The following GALNT13 variants were observed in gnomAD, a reference collection of about 807,000 sequenced individuals.
GALNT13 encodes the protein polypeptide N-acetylgalactosaminyltransferase 13, also known as UDP-GalNAc:polypeptide N-acetylgalactosaminyltransferase 13.
In GALNT13, 28 loss-of-function variants were observed where a neutral mutation model predicts 64.2. That is an observed-to-expected ratio of 0.44 (90% CI 0.32 to 0.60). The LOEUF is 0.60. Ranked by LOEUF, GALNT13 falls within the 20% of genes least tolerant of loss-of-function variation. The pLI is 0.05. For missense variants in GALNT13, 577 were observed against 669.8 expected, an observed-to-expected ratio of 0.86 and a Z score of 1.53; for synonymous variants, 214 against 224.6, an observed-to-expected ratio of 0.95 and a Z score of 0.42.
the GALNT13 span, among the ~76,000 whole-genome samples, chr2:153,621,135 T>C: frequency 6.6e-6 from 1 of 151,940 alleles, no homozygotes; most frequent in African/African-American, 2.4e-5. Context: ...TCTCTCTCTC[T>C]CCCTCTGTCT....
At chr2:153,435,971 T>A in the GALNT13 span, among the ~76,000 whole-genome samples, 6 of 152,218 alleles carry the variant, frequency 3.9e-5, no homozygotes, top group African/African-American at 1.2e-4. Context: ...GGTTTGTCAT[T>A]GATAGCTCTT....
the GALNT13 span, among the ~76,000 whole-genome samples, chr2:153,345,699 C>CTTTCT: frequency 6.6e-5 from 7 of 106,248 alleles, 1 homozygote; most frequent in African/African-American, 2.4e-4. Flanking sequence ...TTCTTTCTTT[C>CTTTCT]TTTCTCTTTC....
chr2:153,129,130 A>G, the GALNT13 span, among the ~76,000 whole-genome samples: 1 of 152,172 alleles, frequency 6.6e-6, no homozygotes, highest in Admixed American at 6.6e-5. Flanking sequence ...TTTAGCCTGC[A>G]TAGTCATTTC....
chr2:153,234,676 G>A, the GALNT13 span, among the ~76,000 whole-genome samples: 1 of 152,118 alleles, frequency 6.6e-6, no homozygotes, highest in African/African-American at 2.4e-5. Flanking sequence ...CAAAGCATGG[G>A]TCTACTGAGC....
intron 1 of GALNT13, among the ~76,000 whole-genome samples, chr2:153,877,721 T>C (rs1686482218): frequency 6.6e-6 from 1 of 152,118 alleles, no homozygotes. Flanking sequence ...CAACCATTAG[T>C]TTAAAGAAAG....
At chr2:153,689,925 TC>T in the GALNT13 span, among the ~76,000 whole-genome samples, 1 of 152,064 alleles carries the variant, frequency 6.6e-6, no homozygotes, top group Non-Finnish European at 1.5e-5. Context: ...TTATTCCCTC[TC>T]TCTTTTGTTG....
At chr2:154,085,486 A>T (rs971945334) in intron 3 of GALNT13, among the ~76,000 whole-genome samples, 1 of 152,158 alleles carries the variant, frequency 6.6e-6, no homozygotes, top group South Asian at 2.1e-4. Flanking sequence ...ATTCACTGAC[A>T]CTATGAAAGA....
the GALNT13 span, among the ~76,000 whole-genome samples, chr2:153,183,872 G>T: frequency 6.6e-6 from 1 of 151,988 alleles, no homozygotes; most frequent in African/African-American, 2.4e-5. Flanking sequence ...GTTACTGTAG[G>T]CTTGTAGTAT....
the GALNT13 span, among the ~76,000 whole-genome samples, chr2:153,534,748 A>G: frequency 3.3e-5 from 5 of 151,952 alleles, no homozygotes; most frequent in African/African-American, 1.2e-4. Flanking sequence ...ATGAGCTAGG[A>G]AAAGGACTTT....
chr2:153,396,373 G>T, the GALNT13 span, among the ~76,000 whole-genome samples: 1 of 152,038 alleles, frequency 6.6e-6, no homozygotes, highest in Admixed American at 6.6e-5. Context: ...AATACTTTGG[G>T]ATGGGAAGGG....
chr2:154,315,841 G>A (rs1157193409), intron 9 of GALNT13, among the ~76,000 whole-genome samples: 1 of 152,148 alleles, frequency 6.6e-6, no homozygotes, highest in Middle Eastern at 3.2e-3. Context: ...AGCACTCAGG[G>A]ACACTGATAA....
the GALNT13 span, among the ~76,000 whole-genome samples, chr2:153,799,088 A>C: frequency 6.6e-6 from 1 of 152,150 alleles, no homozygotes; most frequent in East Asian, 1.9e-4. Flanking sequence ...GGGTGACTTA[A>C]CAGGTGTCCA....
chr2:153,228,565 T>C, the GALNT13 span, among the ~76,000 whole-genome samples: 1 of 152,078 alleles, frequency 6.6e-6, no homozygotes, highest in African/African-American at 2.4e-5. Context: ...GCTAGATCTT[T>C]CTGGAGAAGA....
At chr2:154,259,246 T>G in intron 8 of GALNT13, 108 bp downstream of exon 8, 1 of 704,174 alleles carries the variant, frequency 1.4e-6, no homozygotes, top group Non-Finnish European at 2.5e-6. Context: ...GTGATGCAAA[T>G]TACTGATCAA....
chr2:154,108,491 A>G (rs1309385599), intron 3 of GALNT13, among the ~76,000 whole-genome samples: 1 of 152,040 alleles, frequency 6.6e-6, no homozygotes, highest in Non-Finnish European at 1.5e-5. Flanking sequence ...TATTTTAGAT[A>G]TTAAATCCTT....
At chr2:153,523,231 T>C in the GALNT13 span, among the ~76,000 whole-genome samples, 1 of 152,064 alleles carries the variant, frequency 6.6e-6, no homozygotes, top group African/African-American at 2.4e-5. Flanking sequence ...TGTAGCTTTA[T>C]AGTACATCTT....
the GALNT13 span, among the ~76,000 whole-genome samples, chr2:153,214,779 T>C: frequency 1.3e-5 from 2 of 152,106 alleles, no homozygotes; most frequent in Non-Finnish European, 2.9e-5. Context: ...AATAAAAAAA[T>C]AAGTAATCTG....
chr2:153,448,622 C>CT, the GALNT13 span, among the ~76,000 whole-genome samples: 2 of 151,434 alleles, frequency 1.3e-5, no homozygotes, highest in African/African-American at 2.4e-5. Flanking sequence ...TTCTTCTGTT[C>CT]TTTTTTTTTC....
intron 11 of GALNT13, among the ~76,000 whole-genome samples, chr2:154,434,924 A>G (rs1700882216): frequency 6.6e-6 from 1 of 152,222 alleles, no homozygotes; most frequent in African/African-American, 2.4e-5. Flanking sequence ...TATACGAAGC[A>G]TAGAACACAT....
Sources: gnomAD v4.1 joint callset for allele counts (sites outside exome capture counted in the v4.1 genomes callset) on GRCh38, gnomAD v4.1.1 for gene constraint, MANE v1.5 for transcripts, NCBI Gene and HGNC (gene_info 2026-07-23, HGNC 2026-07-21) for gene names.